The following PEX13 variants were observed in gnomAD, a reference collection of about 807,000 sequenced individuals.
The protein encoded by PEX13 is peroxisome biogenesis factor 13.
PEX13 carries 28 observed loss-of-function variants against 34.5 expected under a neutral mutation model. The ratio of observed to expected loss-of-function variants is 0.81; its 90% CI spans 0.60 to 1.11. The LOEUF (loss-of-function observed/expected upper bound fraction) is 1.11. PEX13 is among the 50% of genes most tolerant of loss of function. The pLI is 0.00. For synonymous variants in PEX13, 177 were observed against 175.1 expected, an observed-to-expected ratio of 1.01 and a Z score of -0.09; for missense variants, 550 against 491.0, an observed-to-expected ratio of 1.12 and a Z score of -1.13.
At chr2:61,044,320 A>G (rs1680671332) in intron 2 of PEX13, among the ~76,000 whole-genome samples, 1 of 152,070 alleles carries the variant, frequency 6.6e-6, no homozygotes, top group Admixed American at 6.6e-5. Context: ...CCCAGGCTGG[A>G]GTGCGTAGTG....
Position 61,048,831 on chromosome 2 carries a change from C to G in PEX13, c.*61C>G, listed in dbSNP as rs1462732457. The stretch of plus-strand genomic sequence containing the variant: ...TAGAGTACTTTTTAAAATTATTTCT[C>G]ACAAAGAAATGAATGTACAATCCAA... On this transcript the variant is annotated 3_prime_UTR_variant, in exon 4 of 4. Coordinates refer to ENST00000295030, the MANE Select transcript of PEX13 (RefSeq NM_002618.4). 10 of 1,321,388 alleles carry G rather than the reference C, an allele frequency of 7.6e-6. 1 individual carries two copies. The highest frequency in any genetic ancestry group is 1.4e-5 in the African/African-American group (1 of 69,066). The allele number at this position is 1,321,388 out of a possible 1,614,324, so 81.9% of individuals were successfully genotyped here.
chr2:61,032,425 T>C (rs1029532406), intron 2 of PEX13, among the ~76,000 whole-genome samples: 3 of 152,202 alleles, frequency 2.0e-5, no homozygotes, highest in Non-Finnish European at 2.9e-5. Context: ...AAGACACATA[T>C]ACAGGTAATG....
At chr2:61,024,517 C>T (rs1680317054) in intron 1 of PEX13, among the ~76,000 whole-genome samples, 1 of 152,124 alleles carries the variant, frequency 6.6e-6, no homozygotes, top group Admixed American at 6.6e-5. Flanking sequence ...TGGTATTAAA[C>T]CAGTCATTGA....
chr2:61,022,799 T>A (rs1208729382), intron 1 of PEX13, among the ~76,000 whole-genome samples: 1 of 152,044 alleles, frequency 6.6e-6, no homozygotes, highest in African/African-American at 2.4e-5. Flanking sequence ...GTCCAGGAGT[T>A]CAAGGCTGCA....
intron 2 of PEX13, among the ~76,000 whole-genome samples, chr2:61,033,831 A>G (rs1465107012): frequency 6.6e-6 from 1 of 152,178 alleles, no homozygotes; most frequent in Admixed American, 6.5e-5. Context: ...GGCCAGTGTG[A>G]TTGGAGCAAA....
At chr2:61,029,095 C>T (rs562623506) in intron 1 of PEX13, among the ~76,000 whole-genome samples, 4 of 147,140 alleles carry the variant, frequency 2.7e-5, no homozygotes, top group Admixed American at 2.1e-4. Context: ...GCTGTGTTTG[C>T]GCTTCTGCAC....
rs1461704554 is a variant in PEX13 at position 61,048,819 on chromosome 2, A to G, written c.*49A>G. The G allele has an allele frequency of 7.1e-7, 1 of 1,410,908 alleles. No individual in the cohort carries two copies. The highest frequency in any genetic ancestry group is 1.2e-5 in the South Asian group (1 of 85,192). 87.4% of individuals were successfully genotyped at this position (1,410,908 alleles called of 1,614,324 possible). On this transcript the variant is annotated 3_prime_UTR_variant, in exon 4 of 4. Coordinates refer to ENST00000295030, the MANE Select transcript of PEX13 (RefSeq NM_002618.4). ...TGAACAATACTTTAGAGTACTTTTT[A>G]AAATTATTTCTCACAAAGAAATGAA...
chr2:61,025,220 C>T (rs1680332475), intron 1 of PEX13, among the ~76,000 whole-genome samples: 1 of 151,994 alleles, frequency 6.6e-6, no homozygotes, highest in Admixed American at 6.5e-5. Flanking sequence ...AGGCACCTGC[C>T]ACTGCACCCA....
At chr2:61,026,321 G>A (rs1473367987) in intron 1 of PEX13, among the ~76,000 whole-genome samples, 1 of 151,094 alleles carries the variant, frequency 6.6e-6, no homozygotes, top group Non-Finnish European at 1.5e-5. Context: ...GGTTCCAGTG[G>A]CTGTGGCCAC....
In PEX13 at chr2:61,049,105, T is replaced by C. The variant is rs776812844; in HGVS notation, c.*335T>C. On this transcript the variant is annotated 3_prime_UTR_variant, in exon 4 of 4. Coordinates refer to ENST00000295030, the MANE Select transcript of PEX13 (RefSeq NM_002618.4). ...CATGCACAGTTTGGTACAGTAGAGATCATTAATACTTTTAAAAGTTCTGCA... is the reference window on the plus strand; with the variant it reads ...CATGCACAGTTTGGTACAGTAGAGACCATTAATACTTTTAAAAGTTCTGCA... The C allele has an allele frequency of 1.7e-5, 4 of 233,490 alleles. No homozygotes were observed. The highest frequency in any genetic ancestry group is 3.4e-5 in the Non-Finnish European group (4 of 118,052). 14.5% of individuals were successfully genotyped at this position (233,490 alleles called of 1,614,324 possible).
At chr2:61,024,825 CAAAA>C (rs1210823263) in intron 1 of PEX13, among the ~76,000 whole-genome samples, 1 of 151,098 alleles carries the variant, frequency 6.6e-6, no homozygotes, top group Non-Finnish European at 1.5e-5. Flanking sequence ...AAAACAAAAA[CAAAA>C]AAAACAGTCA....
intron 2 of PEX13, among the ~76,000 whole-genome samples, chr2:61,037,641 A>G (rs1023304228): frequency 4.6e-5 from 7 of 152,254 alleles, no homozygotes; most frequent in Admixed American, 4.6e-4. Context: ...TTATAGCACT[A>G]AATGCCCACA....
At chr2:61,045,965 C>T in intron 3 of PEX13, 114 bp downstream of exon 3, 1 of 911,594 alleles carries the variant, frequency 1.1e-6, no homozygotes, top group East Asian at 2.5e-5. Flanking sequence ...GAGATAGTTA[C>T]TAGAACTTCT....
intron 2 of PEX13, among the ~76,000 whole-genome samples, chr2:61,042,338 G>A (rs1269728460): frequency 6.6e-6 from 1 of 152,052 alleles, no homozygotes; most frequent in African/African-American, 2.4e-5. Flanking sequence ...CAGTAACTTA[G>A]TTATAACTTG....
intron 1 of PEX13, among the ~76,000 whole-genome samples, chr2:61,024,770 C>T (rs574538785): frequency 6.6e-6 from 1 of 152,216 alleles, no homozygotes; most frequent in East Asian, 1.9e-4. Flanking sequence ...GATCACGCCA[C>T]TGCAGTCCAG....
At chr2:61,031,069 C>T (rs548407095) in intron 1 of PEX13, among the ~76,000 whole-genome samples, 9 of 152,270 alleles carry the variant, frequency 5.9e-5, no homozygotes, top group Non-Finnish European at 1.0e-4. Flanking sequence ...GCAGATGGAT[C>T]GTTTGAGCCC....
chr2:61,028,658 A>AT (rs1680399805), intron 1 of PEX13, among the ~76,000 whole-genome samples: 2 of 148,272 alleles, frequency 1.3e-5, no homozygotes, highest in South Asian at 4.7e-4. Flanking sequence ...AAGTGCTGGG[A>AT]TTACAGGCAT....
At chr2:61,043,334 A>G (rs1209870947) in intron 2 of PEX13, among the ~76,000 whole-genome samples, 1 of 106,644 alleles carries the variant, frequency 9.4e-6, no homozygotes, top group Non-Finnish European at 2.4e-5. Context: ...GTCTCTACTA[A>G]AAAAAAAAAA....
chr2:61,022,447 T>G (rs1009798558), intron 1 of PEX13, among the ~76,000 whole-genome samples: 10 of 152,220 alleles, frequency 6.6e-5, no homozygotes, highest in African/African-American at 2.4e-4. Context: ...AAGATCAAAT[T>G]GATGAAATAA....
Sources: gnomAD v4.1 joint callset for allele counts (sites outside exome capture counted in the v4.1 genomes callset) on GRCh38, gnomAD v4.1.1 for gene constraint, MANE v1.5 for transcripts, NCBI Gene and HGNC (gene_info 2026-07-23, HGNC 2026-07-21) for gene names.